SEC61B: variants seen among roughly 807,000 people sequenced by gnomAD.
SEC61B encodes protein transport protein Sec61 subunit beta.
SEC61B carries 7 observed loss-of-function variants against 12.6 expected under a neutral mutation model. That is an observed-to-expected ratio of 0.55 (90% CI 0.32 to 1.04). SEC61B has a LOEUF of 1.04. Among genes scored for constraint, SEC61B ranks in the 50% least tolerant of loss-of-function variants. SEC61B has a pLI of 0.05. For missense variants in SEC61B, 107 were observed against 130.1 expected (o/e 0.82, Z 0.86); for synonymous variants, 54 against 50.1 (o/e 1.08, Z -0.33).
chr9:99,224,382 G>A lies in SEC61B; in HGVS notation c.101+1739G>A, dbSNP rs189450165. Among the ~76,000 whole-genome samples, 85 of 152,094 alleles carry A rather than the reference G, an allele frequency of 5.6e-4. 1 individual carries two copies. Among genetic ancestry groups the A allele is most frequent in the Middle Eastern group, 3.4e-3 (1 of 294 alleles). On this transcript the variant is annotated intron_variant, in intron 2 of 3. Coordinates refer to ENST00000223641, the MANE Select transcript of SEC61B (RefSeq NM_006808.3). ...CCACCCTGGGTTTTAGAGATTTTTC[G>A]TGCAGGAATGGAAAACATGTCCTGT...
rs756287469 is a variant in SEC61B at position 99,230,449 on chromosome 9, T to G, written c.*25T>G. 7.4e-6 allele frequency: 11 copies of G among 1,494,100 alleles called. No individual in the cohort carries two copies. In the South Asian group the frequency reaches 1.3e-4, roughly 17 times the overall value. 92.6% of individuals were successfully genotyped at this position (1,494,100 alleles called of 1,614,324 possible). A position where few individuals can be genotyped will look rare whatever the true frequency, so the allele number is the denominator to read the frequency against. ...GATTCAGTTACATCCATCTGTCATC[T>G]GAAGAAGGAGGAAAAAACCCAACAT... On this transcript the variant is annotated 3_prime_UTR_variant, in exon 4 of 4. Coordinates refer to ENST00000223641, the MANE Select transcript of SEC61B (RefSeq NM_006808.3).
At chr9:99,223,226 T>G (rs1318644175) in intron 2 of SEC61B, 1 of 152,122 alleles carries the variant, frequency 6.6e-6, no homozygotes, top group Non-Finnish European at 1.5e-5. Flanking sequence ...ATTTGCTACT[T>G]AACCCTTTTC....
At chr9:99,224,526 T>G (rs1422727655) in intron 2 of SEC61B, among the ~76,000 whole-genome samples, 1 of 152,266 alleles carries the variant, frequency 6.6e-6, no homozygotes, top group African/African-American at 2.4e-5. Context: ...TTATCAAATG[T>G]ACATATGATA....
chr9:99,228,122 T>C, intron 3 of SEC61B, 122 bp downstream of exon 3: 1 of 707,562 alleles, frequency 1.4e-6, no homozygotes, highest in Non-Finnish European at 2.3e-6. Context: ...AACAGCCTCA[T>C]TTGTGCCAGG....
At chr9:99,230,003 TTTC>T (rs1828940958) in intron 3 of SEC61B, among the ~76,000 whole-genome samples, 2 of 152,302 alleles carry the variant, frequency 1.3e-5, no homozygotes, top group South Asian at 2.1e-4. Flanking sequence ...CTGAAAGAGT[TTTC>T]TTCTTTTTAT....
intron 2 of SEC61B, among the ~76,000 whole-genome samples, chr9:99,226,815 T>TA (rs1564228635): frequency 6.6e-6 from 1 of 152,184 alleles, no homozygotes; most frequent in Admixed American, 6.5e-5. Flanking sequence ...TAAGTGCTGC[T>TA]AGGCTGCTTC....
intron 1 of SEC61B, 55 bp from the exon 2 acceptor site, chr9:99,222,491 G>A (rs1432910002): frequency 1.1e-5 from 17 of 1,604,028 alleles, no homozygotes; most frequent in South Asian, 2.2e-5. Flanking sequence ...CTAGGCCGGG[G>A]TTCTGGGGCA....
chr9:99,222,555 A>AC lies in SEC61B; in HGVS notation c.18dup (p.Ser7GlnfsTer4). ...TTGTCTCCCTCTACAGCCTGGTCCG[A>AC]CCCCCAGTGGCACTAACGTGGGATC... On this transcript the variant is annotated frameshift_variant, in exon 2 of 4. Coordinates refer to ENST00000223641, the MANE Select transcript of SEC61B (RefSeq NM_006808.3). LOFTEE classifies it high-confidence loss of function. 1.9e-6 allele frequency: 3 copies of AC among 1,579,622 alleles called. No individual in the cohort carries two copies. The highest frequency in any genetic ancestry group is 2.6e-6 in the Non-Finnish European group (3 of 1,163,296).
At chr9:99,228,898 C>T (rs1314719668) in intron 3 of SEC61B, among the ~76,000 whole-genome samples, 2 of 152,138 alleles carry the variant, frequency 1.3e-5, no homozygotes, top group Admixed American at 6.5e-5. Flanking sequence ...ACTGGATATT[C>T]TGATTAAGTC....
rs539098970 is a variant in SEC61B, at chr9:99,225,362, G to A, written c.102-2537G>A. Among the ~76,000 whole-genome samples, 5 of 152,318 alleles carry A rather than the reference G, an allele frequency of 3.3e-5. No homozygotes were observed. The East Asian group carries it at 7.7e-4, about 23-fold the overall frequency. On this transcript the variant is annotated intron_variant, in intron 2 of 3. Transcript: ENST00000223641. ...AGTTGTTTTAGATAGGGTGTTCACA[G>A]TAGGTAATACCTGAGTAGATACCTG...
intron 2 of SEC61B, among the ~76,000 whole-genome samples, chr9:99,227,059 A>T (rs1828905747): frequency 6.6e-6 from 1 of 152,062 alleles, no homozygotes; most frequent in Non-Finnish European, 1.5e-5. Context: ...TGAGGTCAGG[A>T]GTTCAAGACC....
At chr9:99,223,712 C>G (rs1375786434) in intron 2 of SEC61B, among the ~76,000 whole-genome samples, 4 of 152,334 alleles carry the variant, frequency 2.6e-5, no homozygotes, top group African/African-American at 9.6e-5. Flanking sequence ...TCTTTCTTTG[C>G]TGTCCTATGA....
chr9:99,229,481 T>C (rs1274405476), intron 3 of SEC61B, among the ~76,000 whole-genome samples: 3 of 152,088 alleles, frequency 2.0e-5, no homozygotes, highest in African/African-American at 7.2e-5. Context: ...TAGTCCTGAG[T>C]AGTTGGGACT....
At chr9:99,229,923 C>T (rs1355489309) in intron 3 of SEC61B, among the ~76,000 whole-genome samples, 1 of 151,956 alleles carries the variant, frequency 6.6e-6, no homozygotes, top group Non-Finnish European at 1.5e-5. Context: ...AATACTAGGT[C>T]TTATTCAGAA....
Position 99,230,586 on chromosome 9 carries a change from A to G in SEC61B, c.*162A>G, listed in dbSNP as rs1828949588. On this transcript the variant is annotated 3_prime_UTR_variant, in exon 4 of 4. Coordinates refer to ENST00000223641, the MANE Select transcript of SEC61B (RefSeq NM_006808.3). ...GATTTTGAGGAATCAGTTTTTTTCT[A>G]TGGCTAATAAACTTTTTAATTCACT... is the stretch of plus-strand genomic sequence containing the variant. 7 of 568,694 alleles carry G rather than the reference A, an allele frequency of 1.2e-5. No homozygotes were observed. The highest frequency in any genetic ancestry group is 2.2e-5 in the South Asian group (1 of 46,006). 35.2% of individuals were successfully genotyped at this position (568,694 alleles called of 1,614,324 possible).
intron 2 of SEC61B, among the ~76,000 whole-genome samples, chr9:99,223,398 CTT>C (rs545613209): frequency 7.0e-5 from 10 of 142,804 alleles, no homozygotes; most frequent in Non-Finnish European, 1.1e-4. Flanking sequence ...TTTCTTTTTC[CTT>C]TTTTTTTTTT....
intron 2 of SEC61B, among the ~76,000 whole-genome samples, chr9:99,224,002 G>A (rs988081568): frequency 8.5e-5 from 13 of 152,166 alleles, no homozygotes; most frequent in African/African-American, 3.1e-4. Flanking sequence ...CCCACCATAA[G>A]GCATGACACA....
At chr9:99,224,822 G>A (rs982884827) in intron 2 of SEC61B, among the ~76,000 whole-genome samples, 1 of 152,202 alleles carries the variant, frequency 6.6e-6, no homozygotes, top group African/African-American at 2.4e-5. Context: ...ATAAGTCTGA[G>A]AAAACATTGG....
chr9:99,223,320 A>C (rs11788822), intron 2 of SEC61B: 11,955 of 150,034 alleles, frequency 0.08, 533 homozygotes, highest in South Asian at 0.1. Context: ...TGAACTAAAA[A>C]AAACAAACAA....
Sources: gnomAD v4.1 joint callset for allele counts (sites outside exome capture counted in the v4.1 genomes callset) on GRCh38, gnomAD v4.1.1 for gene constraint, MANE v1.5 for transcripts, NCBI Gene and HGNC (gene_info 2026-07-23, HGNC 2026-07-21) for gene names.